BICRA: variants seen among roughly 807,000 people sequenced by gnomAD.
The protein encoded by BICRA is BRD4 interacting chromatin remodeling complex associated protein.
A neutral mutation model predicts 96.9 loss-of-function variants in BICRA; 31 were observed. The ratio of observed to expected loss-of-function variants is 0.32; its 90% CI spans 0.24 to 0.43. The LOEUF (loss-of-function observed/expected upper bound fraction) is 0.43, where lower values mean the gene tolerates loss of function less well. BICRA is among the 20% of genes least tolerant of loss of function. BICRA has a pLI of 1.00. For synonymous variants in BICRA, 1,350 were observed against 1,071.8 expected (o/e 1.26, Z -5.07); for missense variants, 2,283 against 2,190.3 (o/e 1.04, Z -0.84).
chr19:47,699,023 C>T lies in BICRA; in HGVS notation c.3456C>T (p.Leu1152=). The T allele has an allele frequency of 6.3e-7, 1 of 1,584,510 alleles. No individual in the cohort carries two copies. The highest frequency in any genetic ancestry group is 1.7e-4 in the Middle Eastern group (1 of 6,044). Residue 1152 remains leucine (L), a synonymous_variant, in exon 13 of 15, where the codon CTC becomes CTT. Transcript: ENST00000594866. The surrounding 1 kb of genome is among the most constrained non-coding windows in gnomAD (Gnocchi z 5.0). The part of the protein sequence containing the change: ...TQLLKRTQAM[L]NKYRLLLLEE... ...TGCTGAAACGCACCCAGGCCATGCT[C>T]AATAAATATCGGCTCCTGCTCCTGG...
chr19:47,696,312 C>T, intron 10 of BICRA, 139 bp from the exon 11 acceptor site: 1 of 710,598 alleles, frequency 1.4e-6, no homozygotes, highest in African/African-American at 1.8e-5. Context: ...GGCAGGGGAT[C>T]CTGTAGCTGG....
At chr19:47,681,851 G>A (rs1008530439) in intron 6 of BICRA, 125 bp from the exon 7 acceptor site, 9 of 697,244 alleles carry the variant, frequency 1.3e-5, no homozygotes, top group Non-Finnish European at 4.7e-6. Context: ...CACCCTGCCT[G>A]CCAGGCTGCC....
intron 1 of BICRA, among the ~76,000 whole-genome samples, chr19:47,627,955 AGACGGGATTTCTT>A (rs1415891249): frequency 2.0e-5 from 3 of 152,084 alleles, no homozygotes; most frequent in African/African-American, 7.2e-5. Context: ...TTTTTAGTAG[AGACGGGATTTCTT>A]CATGTTGGCC....
At chr19:47,690,511 C>T (rs2914433) in intron 7 of BICRA, among the ~76,000 whole-genome samples, 119,706 of 152,116 alleles carry the variant, frequency 0.79, 47,511 homozygotes, top group East Asian at 0.96. Flanking sequence ...CCTAATGCGA[C>T]GGGTGGTAAA....
chr19:47,673,008 T>C (rs1376943131), intron 2 of BICRA, among the ~76,000 whole-genome samples: 1 of 152,060 alleles, frequency 6.6e-6, no homozygotes, highest in African/African-American at 2.4e-5. Flanking sequence ...ACCCAGAGCC[T>C]TGAGCCACAA....
At chr19:47,685,514 G>T (rs534764051) in intron 7 of BICRA, among the ~76,000 whole-genome samples, 1 of 152,188 alleles carries the variant, frequency 6.6e-6, no homozygotes, top group Non-Finnish European at 1.5e-5. Flanking sequence ...GGATGGCATG[G>T]GTGGGTGTGT....
At position 47,680,923 on chromosome 19, in the gene BICRA, G is replaced by C. The variant is rs1271273357; in HGVS notation, c.1753G>C (p.Gly585Arg). ...AGPAATTVLQ[G>R]VTLPPSAVAM... ...GCCGGCCGCCACCACTGTCCTCCAG[G>C]GGGTCACCCTGCCCCCCAGCGCCGT... The change falls in exon 6 of 15, where the codon GGG becomes CGG. Residue 585 changes from glycine to arginine, a missense_variant. Physicochemically the swap from Gly to Arg is moderately radical, Grantham distance 125. Transcript: ENST00000594866. The C allele has an allele frequency of 1.4e-6, 2 of 1,478,830 alleles. No individual in the cohort carries two copies. Among genetic ancestry groups the C allele is most frequent in the Non-Finnish European group, 1.8e-6 (2 of 1,126,988 alleles). 91.6% of individuals were successfully genotyped at this position (1,478,830 alleles called of 1,614,324 possible).
At chr19:47,673,249 AC>A (rs1400123183) in intron 2 of BICRA, among the ~76,000 whole-genome samples, 1 of 151,596 alleles carries the variant, frequency 6.6e-6, no homozygotes, top group African/African-American at 2.4e-5. Flanking sequence ...AGGCCGTGGG[AC>A]CCCTCCTGGG....
At chr19:47,617,766 G>A (rs570165004) in intron 1 of BICRA, among the ~76,000 whole-genome samples, 1 of 106,090 alleles carries the variant, frequency 9.4e-6, no homozygotes, top group Non-Finnish European at 1.9e-5. Flanking sequence ...AAAATTTTCT[G>A]CTGATCTGAT....
chr19:47,680,556 C>G lies in BICRA; in HGVS notation c.1386C>G (p.Ala462=). 1 of 1,590,934 alleles carries G rather than the reference C, an allele frequency of 6.3e-7. No individual in the cohort carries two copies. Among genetic ancestry groups the G allele is most frequent in the South Asian group, 1.1e-5 (1 of 88,638 alleles). Residue 462 remains alanine, a synonymous_variant, in exon 6 of 15, where the codon GCC becomes GCG. Transcript: ENST00000594866. ...LNQGSSIVIP[A]QHMLPGQNQF... is the part of the protein sequence containing the mutation. ...AAGGCAGCAGCATCGTCATCCCCGC[C>G]CAGCACATGCTGCCGGGCCAGAACC...
chr19:47,641,732 C>T (rs1246240888), intron 1 of BICRA, among the ~76,000 whole-genome samples: 5 of 152,212 alleles, frequency 3.3e-5, no homozygotes, highest in Non-Finnish European at 7.3e-5. Context: ...TTCCTGTGAA[C>T]AATGCCATTG....
chr19:47,608,433 T>C (rs1971841270), upstream of BICRA: 1 of 152,052 alleles, frequency 6.6e-6, no homozygotes, highest in African/African-American at 2.4e-5. Context: ...CATCCTCGAC[T>C]CCCGCTATCT....
intron 1 of BICRA, among the ~76,000 whole-genome samples, chr19:47,638,525 G>A (rs899044379): frequency 2.6e-5 from 4 of 152,190 alleles, no homozygotes; most frequent in African/African-American, 9.6e-5. Context: ...AACATGGTTA[G>A]GATTTTTGGG....
At chr19:47,646,171 G>A (rs1197742430) in intron 1 of BICRA, among the ~76,000 whole-genome samples, 1 of 152,074 alleles carries the variant, frequency 6.6e-6, no homozygotes, top group Non-Finnish European at 1.5e-5. Flanking sequence ...GTGCATTTTG[G>A]GATCTGGCAG....
intron 1 of BICRA, among the ~76,000 whole-genome samples, chr19:47,609,905 G>A (rs1422147768): frequency 6.6e-6 from 1 of 152,154 alleles, no homozygotes; most frequent in Non-Finnish European, 1.5e-5. Context: ...CGGCAATAGA[G>A]GGAGGTGACC....
chr19:47,680,958 C>T lies in BICRA; in HGVS notation c.1788C>T (p.Leu596=), dbSNP rs761873004. ...VTLPPSAVAM[L]NTPDGLVQPA... ...TGCCCCCCAGCGCCGTGGCCATGCT[C>T]AACACCCCCGACGGCCTGGTGCAGC... The change falls in exon 6 of 15, where the codon CTC becomes CTT. Residue 596 remains leucine, a synonymous_variant. Coordinates refer to ENST00000594866, the MANE Select transcript of BICRA (RefSeq NM_001394372.1). 1.5e-4 allele frequency: 222 copies of T among 1,480,200 alleles called. No individual in the cohort carries two copies. The highest frequency in any genetic ancestry group is 1.7e-4 in the Non-Finnish European group (191 of 1,125,152). The allele number at this position is 1,480,200 out of a possible 1,614,324, so 91.7% of individuals were successfully genotyped here.
chr19:47,661,626 A>G (rs1972707058), intron 1 of BICRA: 2 of 151,254 alleles, frequency 1.3e-5, no homozygotes, highest in African/African-American at 4.9e-5. Context: ...GAGCAGCCAG[A>G]TGTCAATAAG....
At chr19:47,672,671 C>G (rs888199294) in intron 2 of BICRA, among the ~76,000 whole-genome samples, 1 of 151,304 alleles carries the variant, frequency 6.6e-6, no homozygotes, top group African/African-American at 2.4e-5. Flanking sequence ...GGAGGGAAGG[C>G]TAGATGGATG....
upstream of BICRA, among the ~76,000 whole-genome samples, chr19:47,608,832 G>A (rs1971847481): frequency 6.6e-6 from 1 of 150,460 alleles, no homozygotes; most frequent in Non-Finnish European, 1.5e-5. Flanking sequence ...CGAGGGCGGA[G>A]GGAAGAGGAG....
Sources: allele counts gnomAD v4.1 joint callset (sites outside exome capture counted in the v4.1 genomes callset), GRCh38; gene constraint gnomAD v4.1.1; non-coding constraint Gnocchi (gnomAD v3.1); transcripts MANE v1.5; gene names NCBI Gene and HGNC (gene_info 2026-07-23, HGNC 2026-07-21).